The following STXBP6 variants were observed in gnomAD, a reference collection of about 807,000 sequenced individuals.
The protein encoded by STXBP6 is syntaxin binding protein 6.
A neutral mutation model predicts 26.9 loss-of-function variants in STXBP6; 21 were observed. That is an observed-to-expected ratio of 0.78 (90% CI 0.55 to 1.12). The LOEUF (loss-of-function observed/expected upper bound fraction) is 1.12, where lower values mean the gene tolerates loss of function less well. Among genes scored for constraint, STXBP6 ranks in the 50% most tolerant of loss-of-function variants. The pLI, the probability that STXBP6 is intolerant of heterozygous loss-of-function variation, is 0.00. For missense variants in STXBP6, 232 were observed against 257.9 expected (o/e 0.90, Z 0.69); for synonymous variants, 97 against 92.6 (o/e 1.05, Z -0.27).
chr14:24,927,527 G>T (rs985392998), intron 2 of STXBP6, among the ~76,000 whole-genome samples: 1 of 152,218 alleles, frequency 6.6e-6, no homozygotes, highest in Non-Finnish European at 1.5e-5. Context: ...ATCTAGATTT[G>T]CTGAGAAAGT....
intron 2 of STXBP6, among the ~76,000 whole-genome samples, chr14:24,921,883 C>T (rs560472172): frequency 4.3e-4 from 65 of 152,152 alleles, no homozygotes; most frequent in Admixed American, 1.1e-3. Flanking sequence ...GCCTGTACAT[C>T]CCACCTTTCT....
chr14:24,886,259 G>GT (rs2070582870), intron 2 of STXBP6, among the ~76,000 whole-genome samples: 2 of 152,234 alleles, frequency 1.3e-5, no homozygotes, highest in South Asian at 4.2e-4. Context: ...TTACATAGTG[G>GT]TTAAAAACAC....
At chr14:24,920,592 C>T (rs1241315867) in intron 2 of STXBP6, among the ~76,000 whole-genome samples, 2 of 151,952 alleles carry the variant, frequency 1.3e-5, no homozygotes, top group Non-Finnish European at 2.9e-5. Flanking sequence ...ACCCAGCATA[C>T]TTTATTGAAT....
intron 2 of STXBP6, among the ~76,000 whole-genome samples, chr14:24,866,644 T>TG (rs1936133662): frequency 1.3e-5 from 2 of 152,004 alleles, no homozygotes; most frequent in South Asian, 4.2e-4. Context: ...TGAAAGAAAT[T>TG]GAAGACTTAT....
chr14:24,877,353 G>C (rs1336151686), intron 2 of STXBP6, among the ~76,000 whole-genome samples: 7 of 151,998 alleles, frequency 4.6e-5, no homozygotes, highest in Admixed American at 2.0e-4. Context: ...ATAACATATT[G>C]AGACATCTTA....
intron 4 of STXBP6, among the ~76,000 whole-genome samples, chr14:24,823,325 G>A (rs1055813737): frequency 6.6e-6 from 1 of 152,116 alleles, no homozygotes; most frequent in Non-Finnish European, 1.5e-5. Flanking sequence ...AGAAAAAAGA[G>A]TAAAGTATAT....
intron 2 of STXBP6, among the ~76,000 whole-genome samples, chr14:24,968,687 A>T (rs1298662007): frequency 6.6e-5 from 10 of 152,200 alleles, no homozygotes; most frequent in African/African-American, 2.4e-4. Context: ...AGAATCTCAG[A>T]ACCCAAATAA....
intron 2 of STXBP6, among the ~76,000 whole-genome samples, chr14:24,885,847 AC>A (rs2070564860): frequency 6.6e-6 from 1 of 152,254 alleles, no homozygotes; most frequent in African/African-American, 2.4e-5. Flanking sequence ...CAGAAAATTT[AC>A]TACTGCTTGT....
intron 2 of STXBP6, among the ~76,000 whole-genome samples, chr14:24,938,304 A>C (rs1368177487): frequency 6.6e-6 from 1 of 152,126 alleles, no homozygotes; most frequent in Non-Finnish European, 1.5e-5. Flanking sequence ...TTATCTCCTA[A>C]TATCTCTGTA....
At chr14:24,842,260 C>T (rs530903208) in intron 4 of STXBP6, among the ~76,000 whole-genome samples, 29 of 152,340 alleles carry the variant, frequency 1.9e-4, no homozygotes, top group African/African-American at 6.3e-4. Context: ...AAACTCCTTT[C>T]TTGGGCTAAG....
At position 24,812,629 on chromosome 14, in the gene STXBP6, G is replaced by A. The variant is rs139117919; in HGVS notation, c.*80C>T. The A allele has an allele frequency of 4.6e-3, 6,304 of 1,383,612 alleles. 22 individuals are homozygous for A. Among genetic ancestry groups the A allele is most frequent in the Non-Finnish European group, 5.8e-3 (5,614 of 974,580 alleles). 85.7% of individuals were successfully genotyped at this position (1,383,612 alleles called of 1,614,324 possible). The stretch of plus-strand genomic sequence containing the variant: ...AAATATTGGAAAAAAAGAAGCAAGC[G>A]GAGGTCCCGAATTCTTGTAAAAACT... On this transcript the variant is annotated 3_prime_UTR_variant, in exon 6 of 6. Transcript: ENST00000323944.
intron 2 of STXBP6, among the ~76,000 whole-genome samples, chr14:24,891,974 TC>T (rs2070803783): frequency 6.6e-6 from 1 of 152,224 alleles, no homozygotes; most frequent in African/African-American, 2.4e-5. Flanking sequence ...TGGAAAGCCT[TC>T]CTACAACTGG....
At chr14:24,980,070 C>T (rs1284778707) in intron 1 of STXBP6, among the ~76,000 whole-genome samples, 1 of 152,102 alleles carries the variant, frequency 6.6e-6, no homozygotes, top group African/African-American at 2.4e-5. Flanking sequence ...AATTACTTCC[C>T]TTAAAAGCCA....
At chr14:24,960,678 C>T (rs948164395) in intron 2 of STXBP6, among the ~76,000 whole-genome samples, 1 of 152,160 alleles carries the variant, frequency 6.6e-6, no homozygotes, top group Admixed American at 6.5e-5. Context: ...TGGAATAGGT[C>T]TGCACATTTG....
intron 1 of STXBP6, among the ~76,000 whole-genome samples, chr14:25,002,209 G>A (rs1359196792): frequency 6.6e-6 from 1 of 152,126 alleles, no homozygotes; most frequent in Non-Finnish European, 1.5e-5. Flanking sequence ...GATACTATAA[G>A]TGAATTAAAA....
chr14:24,819,109 T>A lies in STXBP6; in HGVS notation c.537A>T (p.Arg179=), dbSNP rs372078500. 2.5e-6 allele frequency: 4 copies of A among 1,614,002 alleles called. No individual in the cohort carries two copies. In the African/African-American group the frequency reaches 5.3e-5, roughly 22 times the overall value. The change falls in exon 5 of 6, where the codon CGA becomes CGT. Residue 179 remains arginine, a synonymous_variant. Coordinates refer to ENST00000323944, the MANE Select transcript of STXBP6 (RefSeq NM_001394410.1). ...CTGTCTTCTCCTCTGCTCGGCCTAA[T>A]CGCTCTCCACGCTCATTCAAGGCCT... ...ASQALNERGE[R]LGRAEEKTED... is the part of the protein sequence containing the mutation.
At chr14:24,944,029 A>T (rs1385338467) in intron 2 of STXBP6, among the ~76,000 whole-genome samples, 4 of 152,088 alleles carry the variant, frequency 2.6e-5, no homozygotes, top group Non-Finnish European at 5.9e-5. Context: ...TTTATTGCTA[A>T]TTTGTTTTTG....
chr14:25,023,323 C>T (rs1355351192), intron 1 of STXBP6, among the ~76,000 whole-genome samples: 1 of 151,620 alleles, frequency 6.6e-6, no homozygotes, highest in Non-Finnish European at 1.5e-5. Flanking sequence ...AAAAAAAGCC[C>T]GTCAGAAAGT....
chr14:25,021,394 T>A (rs1188620890), intron 1 of STXBP6, among the ~76,000 whole-genome samples: 1 of 152,192 alleles, frequency 6.6e-6, no homozygotes, highest in East Asian at 1.9e-4. Context: ...GTCCTGCCTT[T>A]AAAGCACTCC....
Sources: allele counts gnomAD v4.1 joint callset (sites outside exome capture counted in the v4.1 genomes callset), GRCh38; gene constraint gnomAD v4.1.1; transcripts MANE v1.5; gene names NCBI Gene and HGNC (gene_info 2026-07-23, HGNC 2026-07-21).